MLIP: variants seen among roughly 807,000 people sequenced by gnomAD.
The protein encoded by MLIP is muscular LMNA interacting protein.
MLIP carries 79 observed loss-of-function variants against 84.8 expected under a neutral mutation model. That is an observed-to-expected ratio of 0.93 (90% CI 0.78 to 1.12). The LOEUF (loss-of-function observed/expected upper bound fraction) is 1.12. Ranked by LOEUF, MLIP falls within the 50% of genes most tolerant of loss-of-function variation. The probability of loss-of-function intolerance (pLI) is 0.00; values close to 1 mark genes in which losing one functional copy is unlikely to be tolerated. For missense variants in MLIP, 1,257 were observed against 1,160.6 expected (o/e 1.08, Z -1.21); for synonymous variants, 504 against 463.0 (o/e 1.09, Z -1.14).
At chr6:54,239,121 A>C (rs1781552830) in intron 12 of MLIP, among the ~76,000 whole-genome samples, 1 of 151,932 alleles carries the variant, frequency 6.6e-6, no homozygotes, top group African/African-American at 2.4e-5. Context: ...GTAGTCTCTT[A>C]AAAAATCTCT....
At chr6:54,113,364 A>G (rs1769638666) in intron 1 of MLIP, among the ~76,000 whole-genome samples, 1 of 152,126 alleles carries the variant, frequency 6.6e-6, no homozygotes, top group South Asian at 2.1e-4. Context: ...TATTGATGAG[A>G]TTAGTTATGT....
intron 9 of MLIP, among the ~76,000 whole-genome samples, chr6:54,175,072 G>A (rs1562016888): frequency 6.6e-6 from 1 of 151,690 alleles, no homozygotes; most frequent in Non-Finnish European, 1.5e-5. Context: ...GAGCAAATTT[G>A]TTTCTGGGTT....
chr6:54,234,751 C>T (rs1781251158), intron 12 of MLIP, among the ~76,000 whole-genome samples: 1 of 152,172 alleles, frequency 6.6e-6, no homozygotes, highest in Non-Finnish European at 1.5e-5. Context: ...TTTCCTCTTG[C>T]ATTTCTCTCC....
Position 54,038,637 on chromosome 6 carries a change from C to T in MLIP, c.63+19546C>T, listed in dbSNP as rs367828034. Reference sequence around the variant, plus strand: ...TTGATGATTCCTTAAAAAACAATTACTGATCCTTGAAGTCCAAATGTCTAG... The same window carrying T: ...TTGATGATTCCTTAAAAAACAATTATTGATCCTTGAAGTCCAAATGTCTAG... On this transcript the variant is annotated intron_variant, in intron 1 of 12. Transcript: ENST00000274897. Among the ~76,000 whole-genome samples the T allele has an allele frequency of 5.3e-5, 8 of 151,878 alleles. No individual in the cohort carries two copies. In the South Asian group the frequency reaches 1.7e-3, roughly 31 times the overall value.
chr6:54,116,160 C>T (rs116577991), intron 1 of MLIP, among the ~76,000 whole-genome samples: 1 of 151,936 alleles, frequency 6.6e-6, no homozygotes, highest in East Asian at 1.9e-4. Context: ...AAGGTCTGAG[C>T]AGTTCAAGGC....
At chr6:54,139,542 T>A (rs1488804197) in intron 4 of MLIP, among the ~76,000 whole-genome samples, 2 of 152,186 alleles carry the variant, frequency 1.3e-5, no homozygotes, top group Non-Finnish European at 2.9e-5. Flanking sequence ...ACGGTAATAA[T>A]AGCAGCAATA....
intron 1 of MLIP, among the ~76,000 whole-genome samples, chr6:54,117,413 A>G (rs947166530): frequency 1.3e-5 from 2 of 150,522 alleles, no homozygotes; most frequent in East Asian, 4.1e-4. Flanking sequence ...AAGGGGTTTC[A>G]CTGTGTTAGC....
At chr6:54,262,444 T>C (rs777522455) in intron 13 of MLIP, among the ~76,000 whole-genome samples, 7 of 152,034 alleles carry the variant, frequency 4.6e-5, no homozygotes, top group Non-Finnish European at 5.9e-5. Flanking sequence ...GACAGCATCG[T>C]TAATTATACA....
chr6:54,204,693 T>C (rs1179504453), intron 11 of MLIP, among the ~76,000 whole-genome samples: 2 of 152,234 alleles, frequency 1.3e-5, no homozygotes, highest in East Asian at 3.8e-4. Context: ...AAAATTCTTG[T>C]CATTAAAAAT....
intron 10 of MLIP, among the ~76,000 whole-genome samples, chr6:54,199,441 T>C (rs924004719): frequency 6.6e-6 from 1 of 152,154 alleles, no homozygotes; most frequent in Non-Finnish European, 1.5e-5. Context: ...TGATAGAATA[T>C]AGAATCTGTG....
intron 1 of MLIP, among the ~76,000 whole-genome samples, chr6:54,096,067 A>T (rs918615056): frequency 2.6e-5 from 4 of 152,158 alleles, no homozygotes; most frequent in Non-Finnish European, 4.4e-5. Context: ...AGTAAATACC[A>T]ATTCCAGGAA....
At chr6:54,066,693 A>AGAT (rs1766240709) in intron 1 of MLIP, among the ~76,000 whole-genome samples, 1 of 100,168 alleles carries the variant, frequency 1.0e-5, no homozygotes, top group Non-Finnish European at 2.9e-5. Context: ...AATGAGAAAT[A>AGAT]GATTGGTTTT....
At chr6:54,232,257 G>A (rs538161636) in intron 12 of MLIP, among the ~76,000 whole-genome samples, 49 of 152,000 alleles carry the variant, frequency 3.2e-4, no homozygotes, top group Non-Finnish European at 5.7e-4. Context: ...TATATGATAA[G>A]GTTATGATTT....
upstream of MLIP, among the ~76,000 whole-genome samples, chr6:54,107,650 G>T (rs1769114863): frequency 6.6e-6 from 1 of 152,218 alleles, no homozygotes; most frequent in South Asian, 2.1e-4. Flanking sequence ...CATGCAGTCT[G>T]TGTTCAGCAC....
chr6:54,099,156 G>A (rs1768449333), intron 1 of MLIP, among the ~76,000 whole-genome samples: 1 of 152,006 alleles, frequency 6.6e-6, no homozygotes, highest in Non-Finnish European at 1.5e-5. Context: ...GAATTAGTTT[G>A]TTGTATATTT....
intron 9 of MLIP, among the ~76,000 whole-genome samples, chr6:54,177,110 T>A (rs1237050772): frequency 6.6e-6 from 1 of 151,674 alleles, no homozygotes; most frequent in African/African-American, 2.4e-5. Flanking sequence ...TAGAAGAAAA[T>A]CTAGGCAATA....
intron 11 of MLIP, among the ~76,000 whole-genome samples, chr6:54,208,170 T>C (rs1236497905): frequency 6.6e-6 from 1 of 152,230 alleles, no homozygotes; most frequent in Admixed American, 6.5e-5. Context: ...TTTAATTCTT[T>C]ATTGGTTTTA....
intron 12 of MLIP, among the ~76,000 whole-genome samples, chr6:54,253,044 T>C (rs2150880731): frequency 6.6e-6 from 1 of 152,286 alleles, no homozygotes; most frequent in Middle Eastern, 3.4e-3. Context: ...TATTAATTTA[T>C]TCATTCAGTG....
intron 11 of MLIP, among the ~76,000 whole-genome samples, chr6:54,221,399 T>C (rs1404801535): frequency 6.6e-6 from 1 of 152,002 alleles, no homozygotes; most frequent in Admixed American, 6.6e-5. Context: ...CTTGAGACTT[T>C]TAAAACAAAG....
Sources: allele counts gnomAD v4.1 joint callset (sites outside exome capture counted in the v4.1 genomes callset), GRCh38; gene constraint gnomAD v4.1.1; transcripts MANE v1.5; gene names NCBI Gene and HGNC (gene_info 2026-07-23, HGNC 2026-07-21).